TPP2: variants seen among roughly 807,000 people sequenced by gnomAD.
The protein encoded by TPP2 is tripeptidyl peptidase 2.
In TPP2, 34 loss-of-function variants were observed where a neutral mutation model predicts 155.9. That is an observed-to-expected ratio of 0.22 (90% CI 0.17 to 0.29). The LOEUF (loss-of-function observed/expected upper bound fraction) is 0.29, where lower values mean the gene tolerates loss of function less well. TPP2 is among the 10% of genes least tolerant of loss of function. The pLI is 1.00. For synonymous variants in TPP2, 510 were observed against 529.4 expected (o/e 0.96, Z 0.50); for missense variants, 1,028 against 1,522.3 (o/e 0.68, Z 5.40).
intron 16 of TPP2, among the ~76,000 whole-genome samples, chr13:102,642,793 T>C (rs1396063616): frequency 6.6e-6 from 1 of 152,194 alleles, no homozygotes; most frequent in East Asian, 1.9e-4. Flanking sequence ...TAGGAAAAGT[T>C]ATCAATGAGG....
intron 27 of TPP2, among the ~76,000 whole-genome samples, chr13:102,666,964 A>C (rs1026327135): frequency 6.6e-6 from 1 of 151,740 alleles, no homozygotes; most frequent in African/African-American, 2.4e-5. Context: ...AAGAATTTCT[A>C]TTTCTCTCCA....
intron 27 of TPP2, among the ~76,000 whole-genome samples, chr13:102,672,930 G>C (rs1285626578): frequency 6.6e-6 from 1 of 152,180 alleles, no homozygotes; most frequent in Non-Finnish European, 1.5e-5. Context: ...AAGCACTGAG[G>C]GATCTTTTAG....
At chr13:102,648,799 A>G (rs1883313142) in intron 21 of TPP2, 108 bp from the exon 22 acceptor site, 2 of 1,409,290 alleles carry the variant, frequency 1.4e-6, no homozygotes, top group South Asian at 1.5e-5. Context: ...TGTACCTCAC[A>G]TATTATGAAC....
At position 102,604,850 on chromosome 13, in the gene TPP2, G is replaced by T; in HGVS notation, c.223G>T (p.Asp75Tyr). Residue 75 changes from aspartate to tyrosine, a missense_variant, in exon 2 of 30, where the codon GAT becomes TAT. This residue lies in a region of TPP2 where 300 missense variants were observed against 398.3 expected (regional missense o/e 0.75). Coordinates refer to ENST00000376052, the MANE Select transcript of TPP2 (RefSeq NM_001330588.2). ...TATCATTGATACAACAGGAAGTGGC[G>T]ATGTGAATACTGCTACAGAAGTAGA... ...VDIIDTTGSG[D>Y]VNTATEVEPK... 1 of 1,614,112 alleles carries T rather than the reference G, an allele frequency of 6.2e-7. No individual in the cohort carries two copies. The highest frequency in any genetic ancestry group is 8.5e-7 in the Non-Finnish European group (1 of 1,180,028).
chr13:102,618,605 A>G (rs1880924014), intron 4 of TPP2, 117 bp from the exon 5 acceptor site: 3 of 1,366,686 alleles, frequency 2.2e-6, no homozygotes, highest in South Asian at 3.1e-5. Flanking sequence ...ATTTTCTTAC[A>G]TTTTTTCAGG....
In TPP2 at chr13:102,638,264, C is replaced by G; in HGVS notation, c.1862C>G (p.Pro621Arg). Residue 621 changes from proline to arginine, a missense_variant, in exon 15 of 30, where the codon CCT (proline) becomes CGT (arginine). By Grantham distance (103) the Pro-to-Arg change is moderately radical (BLOSUM62 -2). Around this residue, in one of 7 missense-constraint regions of TPP2, gnomAD observed 325 missense variants for 463.7 expected, o/e 0.70. Transcript: ENST00000376052. Reference protein sequence around the residue: ...TEVCGYDIASPNAGPLFRVPI... With the variant: ...TEVCGYDIASRNAGPLFRVPI... Reference sequence around the variant, plus strand: ...GTATGTGGCTATGATATAGCATCCCCTAACGCAGGTCCGCTCTTCAGAGTT... The same window carrying G: ...GTATGTGGCTATGATATAGCATCCCGTAACGCAGGTCCGCTCTTCAGAGTT... 6.2e-7 allele frequency: 1 copy of G among 1,612,848 alleles called. No homozygotes were observed. The highest frequency in any genetic ancestry group is 1.1e-5 in the South Asian group (1 of 91,070).
intron 27 of TPP2, among the ~76,000 whole-genome samples, chr13:102,673,755 A>G (rs544439219): frequency 1.3e-5 from 2 of 152,344 alleles, no homozygotes; most frequent in South Asian, 4.1e-4. Flanking sequence ...ACATGGCAGT[A>G]ATTAATAGTC....
chr13:102,635,762 T>C, intron 12 of TPP2, 60 bp downstream of exon 12: 1 of 1,265,296 alleles, frequency 7.9e-7, no homozygotes. Flanking sequence ...ATCTTAGATA[T>C]TATTGGGTAA....
At chr13:102,606,778 A>G (rs1354478258) in intron 2 of TPP2, among the ~76,000 whole-genome samples, 1 of 152,240 alleles carries the variant, frequency 6.6e-6, no homozygotes, top group African/African-American at 2.4e-5. Flanking sequence ...GGGTCTTCTT[A>G]GAAATCTGCC....
chr13:102,647,218 G>A lies in TPP2; in HGVS notation c.2502G>A (p.Gly834=), dbSNP rs371019277. 4.3e-6 allele frequency: 7 copies of A among 1,611,528 alleles called. No homozygotes were observed. Among genetic ancestry groups the A allele is most frequent in the South Asian group, 2.2e-5 (2 of 90,492 alleles). Residue 834 remains glycine, a synonymous_variant, in exon 21 of 30, where the codon GGG becomes GGA. Coordinates refer to ENST00000376052, the MANE Select transcript of TPP2 (RefSeq NM_001330588.2). ...TTGTTTTTTAATAGCCCAAGAGTGG[G>A]GAAGTAACTCCAAGCTGCCCACTAC... The part of the protein sequence containing the change: ...LTYNFHQPKS[G]EVTPSCPLLC...
chr13:102,646,397 G>T lies in TPP2; in HGVS notation c.2490+7G>T. On this transcript the variant is annotated splice_region_variant and intron_variant, in intron 20 of 29. Transcript: ENST00000376052. ...GACATATAACTTTCATCAAGTAAGT[G>T]TTTGCCTAGTAAAGTGTACCCTTAG... 6.2e-7 allele frequency: 1 copy of T among 1,605,926 alleles called. No homozygotes were observed. Among genetic ancestry groups the T allele is most frequent in the Non-Finnish European group, 8.5e-7 (1 of 1,175,830 alleles).
At chr13:102,673,648 C>A (rs660236) in intron 27 of TPP2, among the ~76,000 whole-genome samples, 75,355 of 152,030 alleles carry the variant, frequency 0.5, 19,068 homozygotes, top group African/African-American at 0.6. Flanking sequence ...TTACAGATTT[C>A]TACTGCTAAG....
chr13:102,626,727 T>C (rs1205564883), intron 6 of TPP2, among the ~76,000 whole-genome samples: 1 of 152,258 alleles, frequency 6.6e-6, no homozygotes, highest in Non-Finnish European at 1.5e-5. Flanking sequence ...TATTTGCCCT[T>C]TGGGTATCTT....
Position 102,626,995 on chromosome 13 carries a change from C to T in TPP2, c.785-17C>T. On this transcript the variant is annotated splice_polypyrimidine_tract_variant and intron_variant, in intron 6 of 29. Transcript: ENST00000376052. ...CCATGAGAATGTTTTGTCATTTCCCCACCTTTGTGTCTCTAGGAGCTCATG... is the reference window on the plus strand; with the variant it reads ...CCATGAGAATGTTTTGTCATTTCCCTACCTTTGTGTCTCTAGGAGCTCATG... 6.6e-7 allele frequency: 1 copy of T among 1,507,250 alleles called. No individual in the cohort carries two copies. Among genetic ancestry groups the T allele is most frequent in the Non-Finnish European group, 8.9e-7 (1 of 1,129,202 alleles). 93.4% of individuals were successfully genotyped at this position (1,507,250 alleles called of 1,614,324 possible).
rs553421305 is a variant in TPP2 at position 102,646,363 on chromosome 13, G to A, written c.2463G>A (p.Glu821=). The change falls in exon 20 of 30, where the codon GAG becomes GAA. Residue 821 remains glutamate, a synonymous_variant. Transcript: ENST00000376052. ...TGCCAAATAACCGTCAACTTTATGA[G>A]ATGGTCCTGACATATAACTTTCATC... ...DVLPNNRQLY[E]MVLTYNFHQP... 3.1e-6 allele frequency: 5 copies of A among 1,613,048 alleles called. No individual in the cohort carries two copies. The highest frequency in any genetic ancestry group is 4.5e-5 in the East Asian group (2 of 44,720).
chr13:102,605,114 G>T (rs1428360255), intron 2 of TPP2, among the ~76,000 whole-genome samples, 193 bp downstream of exon 2: 1 of 135,622 alleles, frequency 7.4e-6, no homozygotes, highest in Non-Finnish European at 1.6e-5. Context: ...TCTGGGTGTG[G>T]CTTAACGGGG....
At chr13:102,611,568 G>A (rs772713781) in intron 2 of TPP2, among the ~76,000 whole-genome samples, 11 of 152,136 alleles carry the variant, frequency 7.2e-5, no homozygotes, top group Non-Finnish European at 1.3e-4. Flanking sequence ...CCAGCTACTA[G>A]GGAGGCTGAG....
chr13:102,676,163 T>C (rs1034200228), intron 28 of TPP2, 133 bp from the exon 29 acceptor site: 5 of 821,174 alleles, frequency 6.1e-6, no homozygotes, highest in Non-Finnish European at 8.7e-6. Flanking sequence ...TCAAAGTTTT[T>C]AAAAATGTAC....
chr13:102,666,146 G>A (rs1884579659), intron 27 of TPP2, among the ~76,000 whole-genome samples: 1 of 152,254 alleles, frequency 6.6e-6, no homozygotes. Flanking sequence ...CAAACAACAT[G>A]GAAGGCAGGG....
Sources: allele counts gnomAD v4.1 joint callset (sites outside exome capture counted in the v4.1 genomes callset), GRCh38; gene constraint gnomAD v4.1.1; regional missense constraint gnomAD v4.1.1; transcripts MANE v1.5; gene names NCBI Gene and HGNC (gene_info 2026-07-23, HGNC 2026-07-21).